TAF1B: variants seen among roughly 807,000 people sequenced by gnomAD.
The protein encoded by TAF1B is TATA-box binding protein associated factor, RNA polymerase I subunit B, also known as TATA box-binding protein-associated factor RNA polymerase I subunit B.
TAF1B carries 61 observed loss-of-function variants against 83.9 expected under a neutral mutation model. That is an observed-to-expected ratio of 0.73 (90% CI 0.59 to 0.90). The LOEUF (loss-of-function observed/expected upper bound fraction) is 0.90. Among genes scored for constraint, TAF1B ranks in the 40% least tolerant of loss-of-function variants. The pLI is 0.00. For synonymous variants in TAF1B, 221 were observed against 224.6 expected, an observed-to-expected ratio of 0.98 and a Z score of 0.14; for missense variants, 625 against 677.0, an observed-to-expected ratio of 0.92 and a Z score of 0.85.
chr2:9,932,474 T>C (rs1191176208), intron 14 of TAF1B, among the ~76,000 whole-genome samples: 2 of 152,248 alleles, frequency 1.3e-5, no homozygotes, highest in African/African-American at 4.8e-5. Flanking sequence ...CTCCAGACCC[T>C]GTTTGCCTGG....
At chr2:9,863,342 G>A (rs1268419215) in intron 5 of TAF1B, among the ~76,000 whole-genome samples, 1 of 152,188 alleles carries the variant, frequency 6.6e-6, no homozygotes, top group African/African-American at 2.4e-5. Flanking sequence ...GATCAAAAGA[G>A]ACAAAGGTGG....
At chr2:9,869,403 T>G (rs1247030650) in intron 6 of TAF1B, among the ~76,000 whole-genome samples, 1 of 151,812 alleles carries the variant, frequency 6.6e-6, no homozygotes, top group East Asian at 2.0e-4. Flanking sequence ...TTTTGTATTT[T>G]TAGTAGAGAT....
intron 12 of TAF1B, among the ~76,000 whole-genome samples, chr2:9,913,995 A>C (rs1332706161): frequency 6.6e-6 from 1 of 152,256 alleles, no homozygotes; most frequent in Non-Finnish European, 1.5e-5. Context: ...AGAAAAATCA[A>C]GGTTCCCCAT....
chr2:9,879,901 C>T (rs1158762819), intron 7 of TAF1B, among the ~76,000 whole-genome samples: 1 of 152,154 alleles, frequency 6.6e-6, no homozygotes, highest in Non-Finnish European at 1.5e-5. Context: ...GGAAGGAAAC[C>T]TCATACCCAG....
intron 14 of TAF1B, among the ~76,000 whole-genome samples, chr2:9,924,487 C>G (rs1181646725): frequency 6.6e-6 from 1 of 152,188 alleles, no homozygotes; most frequent in African/African-American, 2.4e-5. Context: ...AGTCGCAGAG[C>G]CTGAAGTTCA....
At chr2:9,869,306 C>T (rs1284829614) in intron 6 of TAF1B, among the ~76,000 whole-genome samples, 1 of 151,908 alleles carries the variant, frequency 6.6e-6, no homozygotes, top group Non-Finnish European at 1.5e-5. Context: ...CTCACTGCAA[C>T]CTCCGCCTCC....
rs1482373791 is a variant in TAF1B at position 9,907,608 on chromosome 2, A to AT, written c.955+2602_955+2603insT. ...GCTGCCCCTTTGATGGCCATGAATG[A>AT]GCTCAGATGCACTCTCCACCCTCTA... On this transcript the variant is annotated intron_variant, in intron 9 of 14. Coordinates refer to ENST00000263663, the MANE Select transcript of TAF1B (RefSeq NM_005680.3). 1.2e-4 allele frequency among the ~76,000 whole-genome samples: 19 copies of AT among 152,152 alleles called. No homozygotes were observed. The East Asian group carries it at 3.7e-3, about 29-fold the overall frequency.
At chr2:9,915,700 A>T (rs758815917) in intron 12 of TAF1B, among the ~76,000 whole-genome samples, 19 of 152,336 alleles carry the variant, frequency 1.2e-4, no homozygotes, top group Middle Eastern at 6.8e-3. Flanking sequence ...TCAAAGTTAA[A>T]CATACATTTA....
intron 5 of TAF1B, among the ~76,000 whole-genome samples, chr2:9,859,039 T>G (rs1214126830): frequency 1.3e-5 from 2 of 152,224 alleles, no homozygotes; most frequent in Non-Finnish European, 2.9e-5. Context: ...GGTTTTCCTT[T>G]TTTACCTTGT....
At chr2:9,889,286 C>G (rs1055088255) in intron 8 of TAF1B, among the ~76,000 whole-genome samples, 1 of 151,798 alleles carries the variant, frequency 6.6e-6, no homozygotes, top group Non-Finnish European at 1.5e-5. Flanking sequence ...TTTTATTTTT[C>G]TGGCCTTTCT....
chr2:9,907,189 G>GT (rs35638451), intron 9 of TAF1B, among the ~76,000 whole-genome samples: 12,684 of 145,646 alleles, frequency 0.087, 575 homozygotes, highest in East Asian at 0.17. Flanking sequence ...AGCCTGGCCT[G>GT]TTTTTTTTTT....
In TAF1B at chr2:9,904,898, G is replaced by C; in HGVS notation, c.847G>C (p.Glu283Gln). The C allele has an allele frequency of 6.2e-7, 1 of 1,610,066 alleles. No individual in the cohort carries two copies. Among genetic ancestry groups the C allele is most frequent in the Non-Finnish European group, 8.5e-7 (1 of 1,176,430 alleles). Reference sequence around the variant, plus strand: ...CGAGGACATCTACAAAAAAACAGTAGAAGTTGGAACATTTTTAGATTTGCC... The same window carrying C: ...CGAGGACATCTACAAAAAAACAGTACAAGTTGGAACATTTTTAGATTTGCC... Reference protein sequence around the residue: ...DYEDIYKKTVEVGTFLDLPRF... With the variant: ...DYEDIYKKTVQVGTFLDLPRF... The change falls in exon 9 of 15, where the codon GAA becomes CAA. Residue 283 changes from glutamate to glutamine, a missense_variant. By Grantham distance (29) the Glu-to-Gln change is conservative. Transcript: ENST00000263663.
intron 8 of TAF1B, among the ~76,000 whole-genome samples, chr2:9,894,267 T>C (rs1664955200): frequency 6.6e-6 from 1 of 152,088 alleles, no homozygotes; most frequent in African/African-American, 2.4e-5. Flanking sequence ...AAATTCAAAT[T>C]GATCTGTTGG....
chr2:9,921,879 T>A (rs897618090), intron 14 of TAF1B, among the ~76,000 whole-genome samples: 4 of 152,230 alleles, frequency 2.6e-5, no homozygotes, highest in African/African-American at 9.6e-5. Flanking sequence ...GAAAAGGCCA[T>A]TCAATAAAAT....
intron 12 of TAF1B, among the ~76,000 whole-genome samples, chr2:9,915,264 A>G (rs1050642308): frequency 6.6e-6 from 1 of 152,194 alleles, no homozygotes; most frequent in Non-Finnish European, 1.5e-5. Context: ...CTTAGATGTG[A>G]CACCAAAAGC....
At chr2:9,903,147 G>C (rs1031801486) in intron 8 of TAF1B, among the ~76,000 whole-genome samples, 1 of 152,046 alleles carries the variant, frequency 6.6e-6, no homozygotes, top group South Asian at 2.1e-4. Flanking sequence ...GTGCAGTGGC[G>C]CAGTCTCGGC....
chr2:9,880,584 C>T (rs1664474554), intron 7 of TAF1B, among the ~76,000 whole-genome samples: 1 of 152,114 alleles, frequency 6.6e-6, no homozygotes, highest in African/African-American at 2.4e-5. Flanking sequence ...TCTCTCATTT[C>T]TTCCTCTGCT....
chr2:9,891,360 T>C (rs1227646418), intron 8 of TAF1B, among the ~76,000 whole-genome samples: 1 of 152,236 alleles, frequency 6.6e-6, no homozygotes, highest in Non-Finnish European at 1.5e-5. Flanking sequence ...GTTTCTTTTA[T>C]TCTCCACCTT....
At chr2:9,891,618 G>A (rs1234742285) in intron 8 of TAF1B, among the ~76,000 whole-genome samples, 2 of 152,116 alleles carry the variant, frequency 1.3e-5, no homozygotes, top group Non-Finnish European at 2.9e-5. Context: ...GGTTCCGTAG[G>A]AGATATTCCA....
Sources: allele counts gnomAD v4.1 joint callset (sites outside exome capture counted in the v4.1 genomes callset), GRCh38; gene constraint gnomAD v4.1.1; transcripts MANE v1.5; gene names NCBI Gene and HGNC (gene_info 2026-07-23, HGNC 2026-07-21).